CLPTM1L: variants seen among roughly 807,000 people sequenced by gnomAD.
CLPTM1L encodes the protein lipid scramblase CLPTM1L.
A neutral mutation model predicts 70.9 loss-of-function variants in CLPTM1L; 38 were observed. The ratio of observed to expected loss-of-function variants is 0.54; its 90% CI spans 0.41 to 0.70. The LOEUF is 0.70. Ranked by LOEUF, CLPTM1L falls within the 30% of genes least tolerant of loss-of-function variation. CLPTM1L has a pLI of 0.00. For missense variants in CLPTM1L, 652 were observed against 705.9 expected (o/e 0.92, Z 0.87); for synonymous variants, 339 against 299.9 (o/e 1.13, Z -1.35).
At chr5:1,324,062 C>A (rs898862477) in intron 11 of CLPTM1L, 193 bp from the exon 12 acceptor site, 2 of 587,734 alleles carry the variant, frequency 3.4e-6, no homozygotes, top group Middle Eastern at 4.5e-4. Context: ...CAGGAGGCAC[C>A]GCACACGCCA....
Position 1,344,471 on chromosome 5 carries a change from G to C in CLPTM1L, c.163-20C>G. 1 of 1,602,626 alleles carries C rather than the reference G, an allele frequency of 6.2e-7. No homozygotes were observed. Among genetic ancestry groups the C allele is most frequent in the Non-Finnish European group, 8.5e-7 (1 of 1,170,262 alleles). On this transcript the variant is annotated intron_variant, in intron 1 of 16. Coordinates refer to ENST00000320895, the MANE Select transcript of CLPTM1L (RefSeq NM_030782.5). ...GCTCAGCTGGAAAGGAGGGGGCGTC[G>C]AGAGTCAGCTCGGCCAGGCCCTGGC...
intron 3 of CLPTM1L, among the ~76,000 whole-genome samples, chr5:1,339,426 C>T (rs980482504): frequency 4.0e-4 from 52 of 131,544 alleles, no homozygotes; most frequent in Non-Finnish European, 5.6e-4. Flanking sequence ...GCCACACAGA[C>T]GGGCAAACTG....
chr5:1,328,990 ACAGAGACATTGCATCCAGCTC>A (rs1561237814), intron 9 of CLPTM1L, among the ~76,000 whole-genome samples: 3 of 151,204 alleles, frequency 2.0e-5, no homozygotes, highest in African/African-American at 7.4e-5. Flanking sequence ...CTCCTCCTCT[ACAGAGACATTGCATCCAGCTC>A]CTCCTCTACA....
At chr5:1,329,234 C>T (rs1561238191) in intron 9 of CLPTM1L, among the ~76,000 whole-genome samples, 2 of 152,364 alleles carry the variant, frequency 1.3e-5, no homozygotes, top group East Asian at 1.9e-4. Context: ...TTCTGAGCTC[C>T]GGAACAACCA....
intron 12 of CLPTM1L, among the ~76,000 whole-genome samples, chr5:1,323,493 C>T (rs1212947223): frequency 1.3e-5 from 2 of 152,168 alleles, no homozygotes; most frequent in South Asian, 2.1e-4. Context: ...AGCTCAGGGC[C>T]AGCACCCCAC....
At chr5:1,332,935 C>G (rs72491340) in intron 7 of CLPTM1L, among the ~76,000 whole-genome samples, 2 of 142,674 alleles carry the variant, frequency 1.4e-5, no homozygotes, top group Non-Finnish European at 3.1e-5. Flanking sequence ...GGATAAGGGG[C>G]GGACTACTGT....
In CLPTM1L at chr5:1,332,512, C is replaced by T. The variant is rs1215384365; in HGVS notation, c.892-629G>A. Reference sequence around the variant, plus strand: ...AGCCAAACTCCCAGGCACTCAGAACCAGTGCCGGCCGCACTCCTGGGTGCC... The same window carrying T: ...AGCCAAACTCCCAGGCACTCAGAACTAGTGCCGGCCGCACTCCTGGGTGCC... On this transcript the variant is annotated intron_variant, in intron 7 of 16. Transcript: ENST00000320895. Among the ~76,000 whole-genome samples, 3 of 152,242 alleles carry T rather than the reference C, an allele frequency of 2.0e-5. No homozygotes were observed. In the East Asian group the frequency reaches 5.8e-4, roughly 29 times the overall value.
chr5:1,317,948 G>C lies in CLPTM1L; in HGVS notation c.*421C>G, dbSNP rs544047184. 1 of 171,354 alleles carries C rather than the reference G, an allele frequency of 5.8e-6. No homozygotes were observed. The highest frequency in any genetic ancestry group is 1.2e-5 in the Non-Finnish European group (1 of 81,286). 10.6% of individuals were successfully genotyped at this position (171,354 alleles called of 1,614,324 possible). The stretch of plus-strand genomic sequence containing the variant: ...ACCAACTCTCAAACAAAAGAGGAAA[G>C]AGCCTTTGATCCCAGAGTCCATGCG... On this transcript the variant is annotated 3_prime_UTR_variant, in exon 17 of 17. Transcript: ENST00000320895.
intron 7 of CLPTM1L, among the ~76,000 whole-genome samples, chr5:1,333,713 G>A (rs1410710342): frequency 8.9e-6 from 1 of 112,484 alleles, no homozygotes; most frequent in Non-Finnish European, 1.8e-5. Flanking sequence ...GATAAGGGGG[G>A]ACTACTGTAT....
intron 5 of CLPTM1L, among the ~76,000 whole-genome samples, chr5:1,336,120 C>T (rs1753562411): frequency 6.6e-6 from 1 of 152,210 alleles, no homozygotes. Flanking sequence ...CAAGTGGCAT[C>T]AGTGCACATG....
In CLPTM1L at chr5:1,335,186, A is replaced by T; in HGVS notation, c.679-12T>A. ...GAGCGGTTTATGACCTGATGAAGAAAGCCACACTGAGGGCCCTGCCCTCAT... is the reference window on the plus strand; with the variant it reads ...GAGCGGTTTATGACCTGATGAAGAATGCCACACTGAGGGCCCTGCCCTCAT... On this transcript the variant is annotated splice_polypyrimidine_tract_variant and intron_variant, in intron 5 of 16. Transcript: ENST00000320895. 1 of 1,605,188 alleles carries T rather than the reference A, an allele frequency of 6.2e-7. No homozygotes were observed.
In CLPTM1L at chr5:1,338,935, G is replaced by A. The variant is rs138213237; in HGVS notation, c.524C>T (p.Ala175Val). The A allele has an allele frequency of 2.2e-5, 35 of 1,613,308 alleles. 1 individual carries two copies. The South Asian group carries it at 3.0e-4, about 14-fold the overall frequency. ...AAAGTTGTCCGCCATCACGTTCAGC[G>A]CCAGCCGCGGTCGCCAGTGGGACAC... Reference protein sequence around the residue: ...EPVSHWRPRLALNVMADNFVF... With the variant: ...EPVSHWRPRLVLNVMADNFVF... Residue 175 changes from alanine (A) to valine (V), a missense_variant, in exon 4 of 17, where the codon GCG (alanine) becomes GTG (valine). Ala to Val is a moderately conservative substitution (Grantham distance 64). Coordinates refer to ENST00000320895, the MANE Select transcript of CLPTM1L (RefSeq NM_030782.5).
chr5:1,334,491 T>C lies in CLPTM1L; in HGVS notation c.797-108A>G, dbSNP rs112691829. The C allele has an allele frequency of 0.01, 7,564 of 740,840 alleles. 451 individuals are homozygous for C. The African/African-American group carries it at 0.12, about 12-fold the overall frequency. 45.9% of individuals were successfully genotyped at this position (740,840 alleles called of 1,614,324 possible). On this transcript the variant is annotated intron_variant, in intron 6 of 16. Transcript: ENST00000320895. ...AATTTAGGCCGGGCGCAGTGGCTCA[T>C]GCCTGTAAACCCAGCACTTTGGGAA...
chr5:1,340,551 C>G (rs1426559921), intron 3 of CLPTM1L, among the ~76,000 whole-genome samples: 1 of 152,188 alleles, frequency 6.6e-6, no homozygotes, highest in African/African-American at 2.4e-5. Context: ...ATGCTACATG[C>G]CCATCACCCC....
intron 2 of CLPTM1L, among the ~76,000 whole-genome samples, chr5:1,343,204 A>G (rs1199382657): frequency 6.6e-6 from 1 of 151,944 alleles, no homozygotes; most frequent in Non-Finnish European, 1.5e-5. Flanking sequence ...AAAAAAAAAA[A>G]TCTTACGGCC....
At chr5:1,334,974 C>T (rs911452349) in intron 6 of CLPTM1L, 83 bp downstream of exon 6, 12 of 1,011,362 alleles carry the variant, frequency 1.2e-5, no homozygotes, top group African/African-American at 4.7e-5. Context: ...GAGGAGGCCC[C>T]GGCCTGTGTC....
chr5:1,324,481 A>G (rs1752383825), intron 11 of CLPTM1L, among the ~76,000 whole-genome samples: 1 of 152,246 alleles, frequency 6.6e-6, no homozygotes, highest in South Asian at 2.1e-4. Flanking sequence ...GGCCTGCGTC[A>G]GCTGCCTGGC....
intron 7 of CLPTM1L, among the ~76,000 whole-genome samples, chr5:1,333,038 C>A (rs561208521): frequency 2.8e-4 from 32 of 114,182 alleles, no homozygotes; most frequent in African/African-American, 1.1e-3. Flanking sequence ...TAAGGGGGGA[C>A]TACTGTATAC....
intron 4 of CLPTM1L, among the ~76,000 whole-genome samples, chr5:1,338,625 G>A (rs1037219541): frequency 1.3e-5 from 2 of 152,220 alleles, no homozygotes; most frequent in African/African-American, 2.4e-5. Context: ...GGAAGCCTTC[G>A]CCAGCCAGGA....
Sources: allele counts gnomAD v4.1 joint callset (sites outside exome capture counted in the v4.1 genomes callset), GRCh38; gene constraint gnomAD v4.1.1; transcripts MANE v1.5; gene names NCBI Gene and HGNC (gene_info 2026-07-23, HGNC 2026-07-21).